MGMT: variants seen among roughly 807,000 people sequenced by gnomAD.
MGMT encodes the protein O-6-methylguanine-DNA methyltransferase, also known as methylated-DNA--protein-cysteine methyltransferase.
MGMT carries 14 observed loss-of-function variants against 15.9 expected under a neutral mutation model. That is an observed-to-expected ratio of 0.88 (90% CI 0.58 to 1.37). The LOEUF (loss-of-function observed/expected upper bound fraction) is 1.37, where lower values mean the gene tolerates loss of function less well. MGMT is among the 40% of genes most tolerant of loss of function. The probability of loss-of-function intolerance (pLI) is 0.00; values close to 1 mark genes in which losing one functional copy is unlikely to be tolerated. For missense variants in MGMT, 282 were observed against 268.1 expected, an observed-to-expected ratio of 1.05 and a Z score of -0.36; for synonymous variants, 130 against 118.2, an observed-to-expected ratio of 1.10 and a Z score of -0.65.
chr10:129,554,194 G>A (rs549340120), intron 2 of MGMT, among the ~76,000 whole-genome samples: 1 of 152,354 alleles, frequency 6.6e-6, no homozygotes, highest in South Asian at 2.1e-4. Context: ...CACTGCAGCC[G>A]TGAGCAGCAC....
At chr10:129,553,698 A>G (rs559563830) in intron 2 of MGMT, among the ~76,000 whole-genome samples, 12 of 152,320 alleles carry the variant, frequency 7.9e-5, no homozygotes, top group Non-Finnish European at 1.5e-4. Flanking sequence ...TCCTGGAGGC[A>G]CAAGGAGAGA....
intron 2 of MGMT, among the ~76,000 whole-genome samples, chr10:129,627,706 G>T (rs894991551): frequency 6.6e-6 from 1 of 152,118 alleles, no homozygotes; most frequent in Non-Finnish European, 1.5e-5. Context: ...TTTGGCTCTT[G>T]TATAAATATC....
intron 2 of MGMT, among the ~76,000 whole-genome samples, chr10:129,592,084 A>T (rs1158983330): frequency 6.6e-6 from 1 of 152,192 alleles, no homozygotes; most frequent in Non-Finnish European, 1.5e-5. Context: ...CAAAGCAGGG[A>T]TGTTTTCCGG....
intron 3 of MGMT, among the ~76,000 whole-genome samples, chr10:129,753,065 C>T (rs766209013): frequency 3.7e-4 from 56 of 152,160 alleles, no homozygotes; most frequent in Admixed American, 2.8e-3. Context: ...CTAACTCTAA[C>T]TTCATTCCTG....
intron 2 of MGMT, among the ~76,000 whole-genome samples, chr10:129,687,923 C>T (rs1847927257): frequency 6.6e-6 from 1 of 151,912 alleles, no homozygotes; most frequent in Non-Finnish European, 1.5e-5. Context: ...GTTCAGTTCC[C>T]ACCTATGAGT....
chr10:129,746,213 T>C (rs1454066882), intron 3 of MGMT, among the ~76,000 whole-genome samples: 2 of 135,426 alleles, frequency 1.5e-5, no homozygotes, highest in Non-Finnish European at 3.1e-5. Flanking sequence ...TGCTCCAGCC[T>C]AGGGGACAGA....
At chr10:129,486,889 G>A (rs1335019) in intron 1 of MGMT, among the ~76,000 whole-genome samples, 151,851 of 152,346 alleles carry the variant, frequency 1, 75,681 homozygotes, top group Middle Eastern at 1. Context: ...GCTAGAACTC[G>A]CACAACACTG....
In MGMT at chr10:129,616,531, C is replaced by G. The variant is rs79485667; in HGVS notation, c.125+80154C>G. ...TCCTCCCGCCATCCTCCCAGGCCCC[C>G]CATTGGCCGGCCAGGCCCCTGGATT... On this transcript the variant is annotated intron_variant, in intron 2 of 4. Coordinates refer to ENST00000651593, the MANE Select transcript of MGMT (RefSeq NM_002412.5). Among the ~76,000 whole-genome samples the G allele has an allele frequency of 6.8e-3, 1,038 of 152,272 alleles. 9 individuals carry two copies. The highest frequency in any genetic ancestry group is 0.024 in the African/African-American group (982 of 41,550).
intron 2 of MGMT, chr10:129,701,752 G>C (rs1009100937): frequency 6.6e-6 from 1 of 152,142 alleles, no homozygotes; most frequent in African/African-American, 2.4e-5. Context: ...CTGTGGCCAG[G>C]TGGGATTCCC....
chr10:129,602,503 G>A (rs1168801788), intron 2 of MGMT, among the ~76,000 whole-genome samples: 1 of 152,192 alleles, frequency 6.6e-6, no homozygotes, highest in East Asian at 1.9e-4. Flanking sequence ...TGCTTGTACT[G>A]TGCCTTGTGA....
chr10:129,605,727 A>G lies in MGMT; in HGVS notation c.125+69350A>G, dbSNP rs576138047. Among the ~76,000 whole-genome samples, 4 of 152,326 alleles carry G rather than the reference A, an allele frequency of 2.6e-5. No individual in the cohort carries two copies. The South Asian group carries it at 8.3e-4, about 32-fold the overall frequency. Reference sequence around the variant, plus strand: ...AATCCATCCCAAACAGCATTTTACGATAATTCTCAAACACGTGTTGTGGAC... The same window carrying G: ...AATCCATCCCAAACAGCATTTTACGGTAATTCTCAAACACGTGTTGTGGAC... On this transcript the variant is annotated intron_variant, in intron 2 of 4. Coordinates refer to ENST00000651593, the MANE Select transcript of MGMT (RefSeq NM_002412.5).
At chr10:129,643,311 G>A (rs1448406545) in intron 2 of MGMT, among the ~76,000 whole-genome samples, 1 of 152,230 alleles carries the variant, frequency 6.6e-6, no homozygotes, top group Non-Finnish European at 1.5e-5. Context: ...AAAAACTGGA[G>A]TAAGCAGTTT....
At chr10:129,538,785 A>G (rs561284889) in intron 2 of MGMT, among the ~76,000 whole-genome samples, 567 of 152,094 alleles carry the variant, frequency 3.7e-3, no homozygotes, top group Non-Finnish European at 5.1e-3. Flanking sequence ...ACAGGCACGC[A>G]CCGCCACACC....
At chr10:129,624,763 G>C (rs1334576717) in intron 2 of MGMT, among the ~76,000 whole-genome samples, 1 of 152,186 alleles carries the variant, frequency 6.6e-6, no homozygotes, top group African/African-American at 2.4e-5. Flanking sequence ...ATCAGAGATG[G>C]TCTCACTGTG....
chr10:129,570,754 G>A (rs889808770), intron 2 of MGMT, among the ~76,000 whole-genome samples: 3 of 152,198 alleles, frequency 2.0e-5, no homozygotes, highest in Non-Finnish European at 4.4e-5. Flanking sequence ...GAAAAATTTA[G>A]TTAATAAGAA....
chr10:129,673,142 A>C (rs566930698), intron 2 of MGMT, among the ~76,000 whole-genome samples: 17 of 152,220 alleles, frequency 1.1e-4, no homozygotes, highest in African/African-American at 3.4e-4. Flanking sequence ...CAGGGCAGTC[A>C]CCTCGCAGGA....
intron 2 of MGMT, among the ~76,000 whole-genome samples, chr10:129,671,081 C>T (rs1344816215): frequency 6.6e-6 from 1 of 152,146 alleles, no homozygotes; most frequent in Non-Finnish European, 1.5e-5. Context: ...GCTCCGAGAG[C>T]CAGTTCTTTA....
intron 2 of MGMT, among the ~76,000 whole-genome samples, chr10:129,703,838 G>T (rs968924659): frequency 4.6e-5 from 7 of 152,176 alleles, no homozygotes. Context: ...TGTCAGCTGA[G>T]CTCTTGCTGC....
At chr10:129,656,498 GTT>G in intron 2 of MGMT, among the ~76,000 whole-genome samples, 1 of 152,318 alleles carries the variant, frequency 6.6e-6, no homozygotes, top group South Asian at 2.1e-4. Flanking sequence ...AATTTAGAAA[GTT>G]TATTTTGCCA....
Sources: allele counts gnomAD v4.1 joint callset (sites outside exome capture counted in the v4.1 genomes callset), GRCh38; gene constraint gnomAD v4.1.1; transcripts MANE v1.5; gene names NCBI Gene and HGNC (gene_info 2026-07-23, HGNC 2026-07-21).